PGS1: variants seen among roughly 807,000 people sequenced by gnomAD.
PGS1 encodes CDP-diacylglycerol--glycerol-3-phosphate 3-phosphatidyltransferase, mitochondrial.
PGS1 carries 44 observed loss-of-function variants against 58.3 expected under a neutral mutation model. The observed-to-expected ratio is 0.75, with a 90% CI of 0.59 to 0.97. PGS1 has a LOEUF of 0.97. Among genes scored for constraint, PGS1 ranks in the 50% least tolerant of loss-of-function variants. The pLI is 0.00. For synonymous variants in PGS1, 330 were observed against 311.0 expected, an observed-to-expected ratio of 1.06 and a Z score of -0.64; for missense variants, 684 against 731.1, an observed-to-expected ratio of 0.94 and a Z score of 0.74.
At chr17:78,421,287 G>A (rs2085715578) in intron 9 of PGS1, 1 of 152,182 alleles carries the variant, frequency 6.6e-6, no homozygotes. Context: ...AAGCTTCCTG[G>A]GCTACAGGGC....
intron 2 of PGS1, among the ~76,000 whole-genome samples, chr17:78,393,350 G>A (rs950947690): frequency 5.9e-5 from 9 of 152,272 alleles, no homozygotes; most frequent in African/African-American, 1.7e-4. Context: ...ATGAGCCACC[G>A]CGCCCGGCCT....
At chr17:78,410,633 C>T (rs1478612095) in intron 7 of PGS1, among the ~76,000 whole-genome samples, 1 of 151,846 alleles carries the variant, frequency 6.6e-6, no homozygotes, top group Admixed American at 6.6e-5. Context: ...ACCAGAATGC[C>T]CAGCTAGTTT....
At chr17:78,378,855 C>A in intron 1 of PGS1, 47 bp downstream of exon 1, 1 of 1,355,410 alleles carries the variant, frequency 7.4e-7, no homozygotes, top group South Asian at 1.7e-5. Flanking sequence ...CGGCTGCAGC[C>A]CGGCCCCCCG....
At chr17:78,411,608 C>T (rs181992256) in intron 7 of PGS1, among the ~76,000 whole-genome samples, 2 of 152,328 alleles carry the variant, frequency 1.3e-5, no homozygotes, top group African/African-American at 4.8e-5. Flanking sequence ...CAGAGGGCTG[C>T]TTCCTCCCTC....
At chr17:78,423,986 CAT>C (rs755577173) in intron 9 of PGS1, 73 bp from the exon 10 acceptor site, 1 of 1,614,056 alleles carries the variant, frequency 6.2e-7, no homozygotes, top group Non-Finnish European at 8.5e-7. Context: ...AAGGTCCAGA[CAT>C]AGGTGGGGCC....
At chr17:78,381,283 G>T (rs1430783283) in intron 1 of PGS1, among the ~76,000 whole-genome samples, 2 of 152,144 alleles carry the variant, frequency 1.3e-5, no homozygotes, top group African/African-American at 4.8e-5. Context: ...TGAGAGAGAT[G>T]ATTGTTTCTC....
In PGS1 at chr17:78,419,938, G is replaced by A. The variant is rs542374295; in HGVS notation, c.*10+263G>A. 3.5e-5 allele frequency: 42 copies of A among 1,216,744 alleles called. No homozygotes were observed. In the South Asian group the frequency reaches 6.4e-4, roughly 19 times the overall value. The allele number at this position is 1,216,744 out of a possible 1,614,324, so 75.4% of individuals were successfully genotyped here. A position where few individuals can be genotyped will look rare whatever the true frequency, so the allele number is the denominator to read the frequency against. On this transcript the variant is annotated intron_variant, in intron 9 of 9. Transcript: ENST00000262764. ...GTGCTGGGGTCGGCAGTGGCAGCCT[G>A]TAGTCCCCTTCTGCTCTCCCTTCCC...
chr17:78,412,227 C>A (rs1246033548), intron 7 of PGS1, among the ~76,000 whole-genome samples: 1 of 152,040 alleles, frequency 6.6e-6, no homozygotes, highest in Non-Finnish European at 1.5e-5. Context: ...ACTTAGGGCT[C>A]CCCAGAGGGC....
chr17:78,394,540 G>A (rs962558603), intron 2 of PGS1, among the ~76,000 whole-genome samples: 6 of 151,914 alleles, frequency 3.9e-5, no homozygotes, highest in Admixed American at 6.6e-5. Context: ...TGAAGAAACA[G>A]GTTTTTCTTT....
At chr17:78,382,273 T>TA (rs2082084913) in intron 1 of PGS1, among the ~76,000 whole-genome samples, 1 of 152,172 alleles carries the variant, frequency 6.6e-6, no homozygotes, top group Admixed American at 6.5e-5. Context: ...CAAGCCAGTC[T>TA]GGGCCAGAGA....
In PGS1 at chr17:78,419,624, T is replaced by C; in HGVS notation, c.1630T>C (p.Trp544Arg). ...GCAGCCGAGTCGCCAGGTGAAGCTG[T>C]GGGTGAAGATGGTGACTCCACTGAT... ...FEQPSRQVKL[W>R]VKMVTPLIKN... The change falls in exon 9 of 10, where the codon TGG becomes CGG. Residue 544 changes from tryptophan to arginine, a missense_variant. Physicochemically the swap from Trp to Arg is moderately radical, Grantham distance 101 (BLOSUM62 -3). Coordinates refer to ENST00000262764, the MANE Select transcript of PGS1 (RefSeq NM_024419.5). 9 of 1,614,022 alleles carry C rather than the reference T, an allele frequency of 5.6e-6. No individual in the cohort carries two copies. The highest frequency in any genetic ancestry group is 7.6e-6 in the Non-Finnish European group (9 of 1,179,956).
At chr17:78,380,852 C>CTTTTTT (rs891331092) in intron 1 of PGS1, 2 of 146,154 alleles carry the variant, frequency 1.4e-5, no homozygotes, top group African/African-American at 5.0e-5. Flanking sequence ...TTTTCTTTTT[C>CTTTTTT]TTTTTTTTTT....
chr17:78,385,041 C>T (rs62079158), intron 1 of PGS1, among the ~76,000 whole-genome samples: 15,965 of 152,326 alleles, frequency 0.1, 880 homozygotes, highest in Middle Eastern at 0.18. Context: ...AAGCAGAGCA[C>T]GCGCAGCTGC....
chr17:78,415,654 G>A (rs1445618298), intron 8 of PGS1, among the ~76,000 whole-genome samples: 1 of 152,206 alleles, frequency 6.6e-6, no homozygotes, highest in Non-Finnish European at 1.5e-5. Flanking sequence ...GGGTTCAACA[G>A]TGGTTTCGGC....
At chr17:78,423,779 G>C in intron 9 of PGS1, 1 of 1,266,516 alleles carries the variant, frequency 7.9e-7, no homozygotes, top group Non-Finnish European at 1.1e-6. Flanking sequence ...TGGTTACAAA[G>C]CACCTGATTA....
rs776234594 is a variant in PGS1 at position 78,392,659 on chromosome 17, C to T, written c.327C>T (p.Leu109=). 4.3e-6 allele frequency: 7 copies of T among 1,613,752 alleles called. No individual in the cohort carries two copies. Among genetic ancestry groups the T allele is most frequent in the Non-Finnish European group, 5.9e-6 (7 of 1,179,754 alleles). Residue 109 remains leucine (L), a synonymous_variant, in exon 2 of 10, where the codon CTC becomes CTT. Coordinates refer to ENST00000262764, the MANE Select transcript of PGS1 (RefSeq NM_024419.5). The part of the protein sequence containing the change: ...VLSSPAEFFE[L]MKGQIRVAKR... ...CTTCCCCGGCAGAGTTTTTCGAGCT[C>T]ATGAAGGTAAGTGGTATCTAAAGGA...
intron 1 of PGS1, among the ~76,000 whole-genome samples, chr17:78,386,706 C>T (rs1056241585): frequency 1.5e-4 from 23 of 152,158 alleles, no homozygotes; most frequent in Non-Finnish European, 3.2e-4. Context: ...GGGAATTGAG[C>T]TTGCGCAGGT....
At chr17:78,412,514 T>C (rs2084804181) in intron 7 of PGS1, among the ~76,000 whole-genome samples, 1 of 152,218 alleles carries the variant, frequency 6.6e-6, no homozygotes, top group Non-Finnish European at 1.5e-5. Context: ...AGTTGTGCAC[T>C]GGAGGTGGCC....
At position 78,396,423 on chromosome 17, in the gene PGS1, GA is replaced by G. The variant is rs773461169; in HGVS notation, c.411+40del. 3 of 1,428,820 alleles carry G rather than the reference GA, an allele frequency of 2.1e-6. No individual in the cohort carries two copies. The East Asian group carries it at 7.0e-5, about 33-fold the overall frequency. The allele number at this position is 1,428,820 out of a possible 1,614,324, so 88.5% of individuals were successfully genotyped here. ...GGGAGATGGTTGTGGCAGCAATAGT[GA>G]ATGGGCCCCAACATGCCACAGCTTT... On this transcript the variant is annotated intron_variant, in intron 3 of 9. Transcript: ENST00000262764.
Sources: allele counts gnomAD v4.1 joint callset (sites outside exome capture counted in the v4.1 genomes callset), GRCh38; gene constraint gnomAD v4.1.1; transcripts MANE v1.5; gene names NCBI Gene and HGNC (gene_info 2026-07-23, HGNC 2026-07-21).